The following FHIT variants were observed in gnomAD, a reference collection of about 807,000 sequenced individuals.
The protein encoded by FHIT is fragile histidine triad diadenosine triphosphatase, also known as bis(5'-adenosyl)-triphosphatase.
A neutral mutation model predicts 17.9 loss-of-function variants in FHIT; 19 were observed. That is an observed-to-expected ratio of 1.06 (90% CI 0.74 to 1.56). The LOEUF is 1.56. FHIT is among the 40% of genes most tolerant of loss of function. FHIT has a pLI of 0.00. For missense variants in FHIT, 248 were observed against 189.2 expected, an observed-to-expected ratio of 1.31 and a Z score of -1.82; for synonymous variants, 81 against 69.7, an observed-to-expected ratio of 1.16 and a Z score of -0.81.
chr3:60,041,249 G>A (rs1301468177), intron 5 of FHIT, among the ~76,000 whole-genome samples: 3 of 152,104 alleles, frequency 2.0e-5, no homozygotes, highest in Non-Finnish European at 2.9e-5. Flanking sequence ...CTTGCACAGG[G>A]GGCATTTTCA....
intron 8 of FHIT, among the ~76,000 whole-genome samples, chr3:59,895,740 C>T (rs1704041016): frequency 6.6e-6 from 1 of 152,228 alleles, no homozygotes; most frequent in Non-Finnish European, 1.5e-5. Context: ...CTTCCATTCT[C>T]CACAGAGCAA....
At chr3:61,156,865 A>G (rs2107075952) in intron 2 of FHIT, among the ~76,000 whole-genome samples, 1 of 152,294 alleles carries the variant, frequency 6.6e-6, no homozygotes, top group South Asian at 2.1e-4. Context: ...GCATCACATT[A>G]TAGGACCCTC....
chr3:60,346,405 T>C (rs1710782163), intron 5 of FHIT, among the ~76,000 whole-genome samples: 1 of 152,166 alleles, frequency 6.6e-6, no homozygotes, highest in Non-Finnish European at 1.5e-5. Flanking sequence ...TCTTGTCAAC[T>C]GGACATGCCC....
chr3:61,136,098 G>C (rs2036907204), intron 2 of FHIT, among the ~76,000 whole-genome samples: 1 of 152,054 alleles, frequency 6.6e-6, no homozygotes, highest in African/African-American at 2.4e-5. Context: ...GAATGAGGTA[G>C]ACAACATCCA....
At chr3:60,525,816 G>A (rs966286243) in intron 5 of FHIT, among the ~76,000 whole-genome samples, 2 of 152,158 alleles carry the variant, frequency 1.3e-5, no homozygotes, top group Non-Finnish European at 2.9e-5. Flanking sequence ...CTGTCAACAG[G>A]TGACAGGTGG....
At position 60,204,071 on chromosome 3, in the gene FHIT, A is replaced by G. The variant is rs112658234; in HGVS notation, c.104-189919T>C. 7.6e-3 allele frequency among the ~76,000 whole-genome samples: 1,161 copies of G among 152,308 alleles called. 12 individuals are homozygous for G. The highest frequency in any genetic ancestry group is 0.026 in the African/African-American group (1,090 of 41,556). On this transcript the variant is annotated intron_variant, in intron 5 of 9. Transcript: ENST00000492590. ...TAATTTAATTGTACATTTTAAAATA[A>G]AAGAGTATAATTGGATTGCTTCTAA...
intron 2 of FHIT, among the ~76,000 whole-genome samples, chr3:61,181,258 T>C (rs1308209768): frequency 6.6e-6 from 1 of 152,236 alleles, no homozygotes; most frequent in Non-Finnish European, 1.5e-5. Context: ...ATATTTTTCC[T>C]GTCTCTTGAT....
intron 4 of FHIT, among the ~76,000 whole-genome samples, chr3:60,818,640 A>C (rs892507906): frequency 1.4e-4 from 22 of 152,278 alleles, no homozygotes; most frequent in South Asian, 8.3e-4. Flanking sequence ...CATCTCTGGT[A>C]ACTCTTTTTG....
At chr3:60,320,601 G>A (rs748287043) in intron 5 of FHIT, among the ~76,000 whole-genome samples, 1 of 152,072 alleles carries the variant, frequency 6.6e-6, no homozygotes, top group African/African-American at 2.4e-5. Flanking sequence ...TGTCACATTC[G>A]AATTGGGTAG....
chr3:59,823,429 A>G (rs116568479), intron 8 of FHIT, among the ~76,000 whole-genome samples: 139 of 152,276 alleles, frequency 9.1e-4, no homozygotes, highest in African/African-American at 3.2e-3. Context: ...TCCCTGAAGA[A>G]CACAGATGCA....
chr3:60,043,606 G>A (rs1029261786), intron 5 of FHIT, among the ~76,000 whole-genome samples: 14 of 152,224 alleles, frequency 9.2e-5, no homozygotes, highest in South Asian at 2.1e-4. Context: ...TCAACCTTTT[G>A]AACCTGAGCA....
At position 61,142,167 on chromosome 3, in the gene FHIT, G is replaced by A. The variant is rs989860080; in HGVS notation, c.-164+58450C>T. On this transcript the variant is annotated intron_variant, in intron 2 of 9. Coordinates refer to ENST00000492590, the MANE Select transcript of FHIT (RefSeq NM_002012.4). ...TTGCATGCTGTGCTGAAATAGGATGGTGGTGGGTTCTGATTATATCTTTTT... is the reference window on the plus strand; with the variant it reads ...TTGCATGCTGTGCTGAAATAGGATGATGGTGGGTTCTGATTATATCTTTTT... Among the ~76,000 whole-genome samples, 16 of 151,240 alleles carry A rather than the reference G, an allele frequency of 1.1e-4. 2 individuals carry two copies. The South Asian group carries it at 1.5e-3, about 14-fold the overall frequency.
intron 3 of FHIT, among the ~76,000 whole-genome samples, chr3:60,900,568 CATATTTGAGCCTG>C (rs1271754021): frequency 6.6e-6 from 1 of 151,964 alleles, no homozygotes; most frequent in Non-Finnish European, 1.5e-5. Context: ...CCCTGCCAAC[CATATTTGAGCCTG>C]CATGGACACT....
intron 5 of FHIT, among the ~76,000 whole-genome samples, chr3:60,461,068 C>T (rs953389538): frequency 7.2e-6 from 1 of 138,726 alleles, no homozygotes; most frequent in African/African-American, 3.1e-5. Context: ...TTAACGTTAA[C>T]GGCAAAAAAA....
chr3:60,423,170 G>A (rs1466829537), intron 5 of FHIT, among the ~76,000 whole-genome samples: 1 of 152,108 alleles, frequency 6.6e-6, no homozygotes, highest in Non-Finnish European at 1.5e-5. Context: ...ATAGATGGTA[G>A]AGTAGAGAGA....
At chr3:60,491,164 T>C (rs1338373567) in intron 5 of FHIT, among the ~76,000 whole-genome samples, 1 of 152,078 alleles carries the variant, frequency 6.6e-6, no homozygotes, top group African/African-American at 2.4e-5. Flanking sequence ...AACAATAAGC[T>C]ACTGAAATAT....
intron 4 of FHIT, among the ~76,000 whole-genome samples, chr3:60,709,583 C>A (rs1735463): frequency 0.8 from 122,255 of 152,188 alleles, 50,633 homozygotes; most frequent in Non-Finnish European, 0.91. Context: ...AATTTTGTAA[C>A]AGTGCACATT....
chr3:60,724,972 C>T (rs552458315), intron 4 of FHIT, among the ~76,000 whole-genome samples: 3 of 152,068 alleles, frequency 2.0e-5, no homozygotes, highest in African/African-American at 4.8e-5. Flanking sequence ...TGCTAATAAC[C>T]GTCTTAGTGG....
intron 5 of FHIT, among the ~76,000 whole-genome samples, chr3:60,492,343 A>C (rs549264263): frequency 9.2e-5 from 14 of 152,194 alleles, no homozygotes; most frequent in East Asian, 1.9e-4. Context: ...TGAGCATTAG[A>C]ATTTGGTATT....
Sources: gnomAD v4.1 joint callset for allele counts (sites outside exome capture counted in the v4.1 genomes callset) on GRCh38, gnomAD v4.1.1 for gene constraint, MANE v1.5 for transcripts, NCBI Gene and HGNC (gene_info 2026-07-23, HGNC 2026-07-21) for gene names.